Variants in AHCYL2 observed in about 807,000 individuals in gnomAD.
AHCYL2 encodes the protein S-adenosylhomocysteine hydrolase-like protein 2.
AHCYL2 carries 28 observed loss-of-function variants against 81.4 expected under a neutral mutation model. That is an observed-to-expected ratio of 0.34 (90% CI 0.25 to 0.47). The LOEUF is 0.47. Among genes scored for constraint, AHCYL2 ranks in the 20% least tolerant of loss-of-function variants. The probability of loss-of-function intolerance (pLI) is 1.00; values close to 1 mark genes in which losing one functional copy is unlikely to be tolerated. For missense variants in AHCYL2, 551 were observed against 785.1 expected (o/e 0.70, Z 3.56); for synonymous variants, 272 against 290.2 (o/e 0.94, Z 0.64).
Position 129,403,361 on chromosome 7 carries a change from T to C in AHCYL2, c.919-18T>C. ...ACTTCAGCAAAGTGAATGATGTTAT[T>C]GATGCTTACTATTGCAGATCTTGGA... On this transcript the variant is annotated intron_variant, in intron 6 of 16. Transcript: ENST00000325006. 6.4e-7 allele frequency: 1 copy of C among 1,554,122 alleles called. No homozygotes were observed. The highest frequency in any genetic ancestry group is 1.2e-5 in the South Asian group (1 of 86,502).
chr7:129,406,194 C>T lies in AHCYL2; in HGVS notation c.1207-184C>T, dbSNP rs1360218404. ...TTCTTGTGCACATGAATGCGATAAG[C>T]AGGAGCCAGGGGTTTGTTTATGAGC... On this transcript the variant is annotated intron_variant, in intron 9 of 16. Coordinates refer to ENST00000325006, the MANE Select transcript of AHCYL2 (RefSeq NM_015328.4). The surrounding 1 kb of genome is among the most constrained non-coding windows in gnomAD (Gnocchi z 4.3). Among the ~76,000 whole-genome samples, 6 of 151,800 alleles carry T rather than the reference C, an allele frequency of 4.0e-5. No individual in the cohort carries two copies. The highest frequency in any genetic ancestry group is 8.8e-5 in the Non-Finnish European group (6 of 68,012).
At chr7:129,356,686 A>G (rs1397335033) in intron 1 of AHCYL2, among the ~76,000 whole-genome samples, 1 of 152,218 alleles carries the variant, frequency 6.6e-6, no homozygotes, top group Non-Finnish European at 1.5e-5. Context: ...CAGACCAGCA[A>G]TTTAGGAACT....
At chr7:129,379,843 C>A in intron 2 of AHCYL2, 94 bp downstream of exon 2, 2 of 871,672 alleles carry the variant, frequency 2.3e-6, no homozygotes, top group Non-Finnish European at 3.4e-6. Context: ...TAAGCATGAC[C>A]AAGACTGTGC....
chr7:129,344,670 C>A lies in AHCYL2; in HGVS notation c.364-34968C>A, dbSNP rs145832513. Among the ~76,000 whole-genome samples, 180 of 152,108 alleles carry A rather than the reference C, an allele frequency of 1.2e-3. 1 individual carries two copies. The South Asian group carries it at 0.012, about 10-fold the overall frequency. ...GTTATGAAGGAAACAAAGCAGGTGG[C>A]AGTATGTATAAAGGCCCTAAGTTGG... is the stretch of plus-strand genomic sequence containing the variant. On this transcript the variant is annotated intron_variant, in intron 1 of 16. Coordinates refer to ENST00000325006, the MANE Select transcript of AHCYL2 (RefSeq NM_015328.4).
At chr7:129,326,008 G>GT (rs1798210939) in intron 1 of AHCYL2, among the ~76,000 whole-genome samples, 1 of 152,000 alleles carries the variant, frequency 6.6e-6, no homozygotes, top group Admixed American at 6.6e-5. Context: ...CCTGGCTTAA[G>GT]TTTTTTAAAT....
In AHCYL2 at chr7:129,310,547, A is replaced by AGAAG. The variant is rs555804805; in HGVS notation, c.364-69088_364-69085dup. Among the ~76,000 whole-genome samples the AGAAG allele has an allele frequency of 1.4e-3, 208 of 152,338 alleles. 2 individuals are homozygous for AGAAG. The highest frequency in any genetic ancestry group is 0.013 in the Admixed American group (193 of 15,304). ...TATTCCAAAAAGAAGAGAGTTTTTA[A>AGAAG]GAAGGAGGGGAATTAAGTGTTAAAT... is the stretch of plus-strand genomic sequence containing the variant. On this transcript the variant is annotated intron_variant, in intron 1 of 16. Coordinates refer to ENST00000325006, the MANE Select transcript of AHCYL2 (RefSeq NM_015328.4).
chr7:129,226,607 A>G (rs914252551), intron 1 of AHCYL2, among the ~76,000 whole-genome samples: 1 of 152,244 alleles, frequency 6.6e-6, no homozygotes, highest in African/African-American at 2.4e-5. Context: ...TGGATCCACC[A>G]TAACTTTTTG....
chr7:129,382,205 A>G (rs1415796383), intron 2 of AHCYL2, among the ~76,000 whole-genome samples: 1 of 152,258 alleles, frequency 6.6e-6, no homozygotes, highest in Non-Finnish European at 1.5e-5. Flanking sequence ...ATGAAAAGCC[A>G]AAAGTAATGG....
At position 129,365,007 on chromosome 7, in the gene AHCYL2, G is replaced by A. The variant is rs903535598; in HGVS notation, c.364-14631G>A. 6.6e-5 allele frequency among the ~76,000 whole-genome samples: 10 copies of A among 152,052 alleles called. No homozygotes were observed. The East Asian group carries it at 9.6e-4, about 15-fold the overall frequency. On this transcript the variant is annotated intron_variant, in intron 1 of 16. Transcript: ENST00000325006. The stretch of plus-strand genomic sequence containing the variant: ...GCCCCCAAAGTATAATTAAGAATAC[G>A]TACAGCATACATAAATTTTAAATTT...
intron 11 of AHCYL2, chr7:129,410,264 A>G: frequency 6.2e-7 from 1 of 1,613,934 alleles, no homozygotes; most frequent in Non-Finnish European, 8.5e-7. Flanking sequence ...TACAACTTCC[A>G]CATCTTCCTT....
At chr7:129,243,745 C>G (rs1026059419) in intron 1 of AHCYL2, among the ~76,000 whole-genome samples, 5 of 151,728 alleles carry the variant, frequency 3.3e-5, no homozygotes, top group African/African-American at 1.2e-4. Context: ...CCACGCCCAG[C>G]TAATTTTTGT....
At chr7:129,237,801 C>T (rs1221788056) in intron 1 of AHCYL2, among the ~76,000 whole-genome samples, 2 of 152,104 alleles carry the variant, frequency 1.3e-5, no homozygotes, top group Non-Finnish European at 2.9e-5. Context: ...CATTGGGTCA[C>T]TGCAACCTCC....
At position 129,344,582 on chromosome 7, in the gene AHCYL2, A is replaced by T. The variant is rs1793296465; in HGVS notation, c.364-35056A>T. Among the ~76,000 whole-genome samples the T allele has an allele frequency of 2.0e-5, 3 of 152,340 alleles. 1 individual carries two copies. In the South Asian group the frequency reaches 6.2e-4, roughly 32 times the overall value. The stretch of plus-strand genomic sequence containing the variant: ...AGATCAGTGGTTGCCTCGGGTTGTG[A>T]TAGTAGTGAGATGAGTCAGCAACAA... On this transcript the variant is annotated intron_variant, in intron 1 of 16. Coordinates refer to ENST00000325006, the MANE Select transcript of AHCYL2 (RefSeq NM_015328.4).
chr7:129,302,570 G>A (rs1797291259), intron 1 of AHCYL2, among the ~76,000 whole-genome samples: 1 of 152,168 alleles, frequency 6.6e-6, no homozygotes, highest in Admixed American at 6.5e-5. Context: ...TTATCATGAA[G>A]TGATGTTGAA....
At chr7:129,327,317 A>G (rs1420377034) in intron 1 of AHCYL2, among the ~76,000 whole-genome samples, 1 of 152,160 alleles carries the variant, frequency 6.6e-6, no homozygotes, top group African/African-American at 2.4e-5. Flanking sequence ...AAGAAGTGGG[A>G]CCTTGCTGAG....
In AHCYL2 at chr7:129,321,754, T is replaced by TG. The variant is rs755855143; in HGVS notation, c.364-57884_364-57883insG. 3.4e-5 allele frequency among the ~76,000 whole-genome samples: 5 copies of TG among 146,622 alleles called. No individual in the cohort carries two copies. In the East Asian group the frequency reaches 9.9e-4, roughly 29 times the overall value. On this transcript the variant is annotated intron_variant, in intron 1 of 16. Transcript: ENST00000325006. ...TGTATTCTTTCTTTGTTTTTTTTTTTTTTTTTTTTTGGTCTTGGTTTTGTT... is the reference window on the plus strand; with the variant it reads ...TGTATTCTTTCTTTGTTTTTTTTTTTGTTTTTTTTTTGGTCTTGGTTTTGTT...
At position 129,405,915 on chromosome 7, in the gene AHCYL2, T is replaced by C. The variant is rs927420731; in HGVS notation, c.1206+16T>C. ...CTATGGAGAGGTGAAGTTTAACCTT[T>C]TGTTTATTAGGTGTTTTAAATGGAT... On this transcript the variant is annotated intron_variant, in intron 9 of 16. Coordinates refer to ENST00000325006, the MANE Select transcript of AHCYL2 (RefSeq NM_015328.4). 9.9e-6 allele frequency: 16 copies of C among 1,609,594 alleles called. No individual in the cohort carries two copies. Among genetic ancestry groups the C allele is most frequent in the Non-Finnish European group, 1.2e-5 (14 of 1,177,770 alleles).
intron 1 of AHCYL2, among the ~76,000 whole-genome samples, chr7:129,234,008 T>A (rs1160070310): frequency 1.3e-5 from 2 of 150,578 alleles, no homozygotes; most frequent in African/African-American, 4.9e-5. Context: ...CCCTTCCTCC[T>A]CCTTTCTTTT....
chr7:129,365,628 G>GTATATATA lies in AHCYL2; in HGVS notation c.364-14000_364-13993dup, dbSNP rs10526470. Reference sequence around the variant, plus strand: ...TAATACAGTTTACCTGGAGGATAGAGTATATATATATATATATGGGTATGA... The same window carrying GTATATATA: ...TAATACAGTTTACCTGGAGGATAGAGTATATATATATATATATATATATATGGGTATGA... On this transcript the variant is annotated intron_variant, in intron 1 of 16. Coordinates refer to ENST00000325006, the MANE Select transcript of AHCYL2 (RefSeq NM_015328.4). 1.0e-3 allele frequency among the ~76,000 whole-genome samples: 125 copies of GTATATATA among 124,344 alleles called. 10 individuals are homozygous for GTATATATA. The East Asian group carries it at 0.023, about 23-fold the overall frequency. The allele number at this position is 124,344 out of a possible 152,430, so 81.6% of individuals were successfully genotyped here. A position where few individuals can be genotyped will look rare whatever the true frequency, so the allele number is the denominator to read the frequency against.
Sources: allele counts gnomAD v4.1 joint callset (sites outside exome capture counted in the v4.1 genomes callset), GRCh38; gene constraint gnomAD v4.1.1; non-coding constraint Gnocchi (gnomAD v3.1); transcripts MANE v1.5; gene names NCBI Gene and HGNC (gene_info 2026-07-23, HGNC 2026-07-21).